RTN4IP1: variants seen among roughly 807,000 people sequenced by gnomAD.
The protein encoded by RTN4IP1 is reticulon 4 interacting protein 1.
RTN4IP1 carries 32 observed loss-of-function variants against 46.6 expected under a neutral mutation model. That is an observed-to-expected ratio of 0.69 (90% CI 0.52 to 0.92). The LOEUF (loss-of-function observed/expected upper bound fraction) is 0.92. Among genes scored for constraint, RTN4IP1 ranks in the 40% least tolerant of loss-of-function variants. The probability of loss-of-function intolerance (pLI) is 0.00; values close to 1 mark genes in which losing one functional copy is unlikely to be tolerated. For synonymous variants in RTN4IP1, 167 were observed against 161.8 expected (o/e 1.03, Z -0.24); for missense variants, 424 against 485.8 (o/e 0.87, Z 1.20).
chr6:106,577,841 G>A (rs1456093337), intron 8 of RTN4IP1, among the ~76,000 whole-genome samples: 1 of 152,116 alleles, frequency 6.6e-6, no homozygotes. Context: ...ACAGCCTCTA[G>A]AAGCTGGAGA....
At position 106,592,645 on chromosome 6, in the gene RTN4IP1, C is replaced by T. The variant is rs188984151; in HGVS notation, c.670-345G>A. On this transcript the variant is annotated intron_variant, in intron 5 of 8. Transcript: ENST00000369063. ...CAGGAGTTGAAAGCCTCAAATTTGC[C>T]AAGTGCGGTGGCTCACGCCTGTAAT... Among the ~76,000 whole-genome samples the T allele has an allele frequency of 3.5e-3, 533 of 152,274 alleles. 4 individuals are homozygous for T. The highest frequency in any genetic ancestry group is 0.012 in the African/African-American group (487 of 41,558).
At chr6:106,614,512 G>C (rs553683653) in intron 4 of RTN4IP1, among the ~76,000 whole-genome samples, 55 of 152,126 alleles carry the variant, frequency 3.6e-4, no homozygotes, top group African/African-American at 1.3e-3. Context: ...AGATAACCCT[G>C]GGAAACAAAA....
At chr6:106,598,461 T>G (rs915702520) in intron 5 of RTN4IP1, among the ~76,000 whole-genome samples, 1 of 150,720 alleles carries the variant, frequency 6.6e-6, no homozygotes, top group Admixed American at 6.6e-5. Context: ...GATGAGCATT[T>G]TTTCATGTGT....
At chr6:106,617,593 T>C (rs536430383) in intron 4 of RTN4IP1, among the ~76,000 whole-genome samples, 10 of 152,286 alleles carry the variant, frequency 6.6e-5, no homozygotes, top group African/African-American at 2.2e-4. Flanking sequence ...CAGGCCATTG[T>C]TGCTTAAACA....
intron 4 of RTN4IP1, among the ~76,000 whole-genome samples, chr6:106,604,140 C>T (rs190851723): frequency 5.2e-4 from 79 of 152,256 alleles, no homozygotes; most frequent in Non-Finnish European, 7.9e-4. Flanking sequence ...TCTTGGAACA[C>T]GCATTCTATC....
At chr6:106,609,470 A>G (rs1326343039) in intron 4 of RTN4IP1, among the ~76,000 whole-genome samples, 7 of 152,204 alleles carry the variant, frequency 4.6e-5, no homozygotes, top group Non-Finnish European at 8.8e-5. Flanking sequence ...TTGAGGCTGC[A>G]GTGAGCAATG....
chr6:106,597,810 G>A (rs1484500372), intron 5 of RTN4IP1, among the ~76,000 whole-genome samples: 11 of 151,450 alleles, frequency 7.3e-5, no homozygotes, highest in African/African-American at 2.7e-4. Flanking sequence ...TCGTCATCTA[G>A]CATTAGGTAT....
chr6:106,583,770 C>T (rs902140802), intron 7 of RTN4IP1: 6 of 224,884 alleles, frequency 2.7e-5, no homozygotes, highest in Middle Eastern at 1.8e-3. Flanking sequence ...GACCTCTAGG[C>T]TTTCCCTACT....
chr6:106,613,226 G>A (rs763542803), intron 4 of RTN4IP1, among the ~76,000 whole-genome samples: 4 of 151,792 alleles, frequency 2.6e-5, no homozygotes, highest in Admixed American at 6.6e-5. Context: ...GATGTGGTTC[G>A]TAGTCACTTC....
intron 8 of RTN4IP1, chr6:106,572,340 A>C: frequency 2.0e-6 from 1 of 507,908 alleles, no homozygotes; most frequent in Non-Finnish European, 3.5e-6. Flanking sequence ...CTTCTCCTCC[A>C]TGCTGGTCTT....
chr6:106,616,472 T>G (rs560785505), intron 4 of RTN4IP1, among the ~76,000 whole-genome samples: 176 of 150,960 alleles, frequency 1.2e-3, no homozygotes, highest in Middle Eastern at 6.8e-3. Flanking sequence ...GTTAATTTTG[T>G]TTTTTTTTAA....
At chr6:106,602,371 T>C (rs925942831) in intron 5 of RTN4IP1, among the ~76,000 whole-genome samples, 1 of 152,220 alleles carries the variant, frequency 6.6e-6, no homozygotes, top group Non-Finnish European at 1.5e-5. Context: ...TTGGCTACTG[T>C]ATTTCTATAT....
At chr6:106,597,850 C>A (rs1170107291) in intron 5 of RTN4IP1, among the ~76,000 whole-genome samples, 1 of 152,184 alleles carries the variant, frequency 6.6e-6, no homozygotes, top group Middle Eastern at 3.4e-3. Flanking sequence ...CCCCGCTCCC[C>A]GCACCCCACC....
At chr6:106,590,271 C>T (rs551192961) in intron 6 of RTN4IP1, among the ~76,000 whole-genome samples, 1 of 151,994 alleles carries the variant, frequency 6.6e-6, no homozygotes, top group Non-Finnish European at 1.5e-5. Context: ...GCCAAGATCA[C>T]GCCATTGCAC....
intron 4 of RTN4IP1, among the ~76,000 whole-genome samples, chr6:106,609,208 T>C (rs757805989): frequency 6.6e-6 from 1 of 152,250 alleles, no homozygotes; most frequent in Non-Finnish European, 1.5e-5. Flanking sequence ...ATGCCCTGCA[T>C]TGGCCACAGT....
intron 6 of RTN4IP1, among the ~76,000 whole-genome samples, chr6:106,589,292 G>A (rs748868335): frequency 0.028 from 3,304 of 117,048 alleles, 205 homozygotes; most frequent in East Asian, 0.097. Flanking sequence ...AGAAGAAAGA[G>A]AAGAAGAAGA....
intron 8 of RTN4IP1, among the ~76,000 whole-genome samples, chr6:106,574,466 T>G (rs2114616351): frequency 1.3e-5 from 2 of 151,792 alleles, no homozygotes; most frequent in Admixed American, 1.3e-4. Flanking sequence ...ACCAGTTGTT[T>G]CCTGTATGTC....
At chr6:106,596,065 T>C (rs1775782763) in intron 5 of RTN4IP1, among the ~76,000 whole-genome samples, 1 of 152,136 alleles carries the variant, frequency 6.6e-6, no homozygotes, top group Non-Finnish European at 1.5e-5. Flanking sequence ...CTCAAACTGT[T>C]ACATCTTTGG....
chr6:106,623,041 A>G, intron 1 of RTN4IP1, 72 bp from the exon 2 acceptor site: 2 of 1,443,020 alleles, frequency 1.4e-6, no homozygotes, highest in Non-Finnish European at 1.9e-6. Context: ...ACAGGGTTAT[A>G]GTCCAGTACA....
Sources: allele counts gnomAD v4.1 joint callset (sites outside exome capture counted in the v4.1 genomes callset), GRCh38; gene constraint gnomAD v4.1.1; transcripts MANE v1.5; gene names NCBI Gene and HGNC (gene_info 2026-07-23, HGNC 2026-07-21).